ZNF407: variants seen among roughly 807,000 people sequenced by gnomAD.
The protein encoded by ZNF407 is zinc finger protein 407.
A neutral mutation model predicts 131.2 loss-of-function variants in ZNF407; 17 were observed. That is an observed-to-expected ratio of 0.13 (90% confidence interval 0.09 to 0.19). The LOEUF (loss-of-function observed/expected upper bound fraction) is 0.19. Among genes scored for constraint, ZNF407 ranks in the 10% least tolerant of loss-of-function variants. The pLI is 1.00. For synonymous variants in ZNF407, 1,156 were observed against 1,062.0 expected (o/e 1.09, Z -1.72); for missense variants, 2,681 against 2,830.6 (o/e 0.95, Z 1.20).
intron 8 of ZNF407, among the ~76,000 whole-genome samples, chr18:74,953,451 G>A (rs1434188649): frequency 2.6e-5 from 4 of 152,106 alleles, no homozygotes; most frequent in African/African-American, 9.7e-5. Flanking sequence ...TTGTATCATG[G>A]CCATCTTTTC....
At chr18:74,626,020 G>T (rs532039202) in intron 1 of ZNF407, among the ~76,000 whole-genome samples, 1 of 152,306 alleles carries the variant, frequency 6.6e-6, no homozygotes, top group East Asian at 1.9e-4. Context: ...GGAAATGTTG[G>T]TTAAACACAT....
At chr18:74,701,445 G>A (rs1321540841) in intron 3 of ZNF407, among the ~76,000 whole-genome samples, 1 of 152,074 alleles carries the variant, frequency 6.6e-6, no homozygotes, top group Non-Finnish European at 1.5e-5. Flanking sequence ...TATAAGTTTA[G>A]CTCTGGAGTT....
intron 3 of ZNF407, among the ~76,000 whole-genome samples, chr18:74,647,478 C>T (rs1215466369): frequency 6.6e-6 from 1 of 152,116 alleles, no homozygotes; most frequent in East Asian, 1.9e-4. Context: ...TCTCAGGATT[C>T]TGTAACCTTC....
chr18:75,024,517 G>A (rs1456302082), intron 8 of ZNF407, among the ~76,000 whole-genome samples: 2 of 152,176 alleles, frequency 1.3e-5, no homozygotes, highest in African/African-American at 4.8e-5. Context: ...ATTTTCAAAT[G>A]TGCTATCCTA....
At chr18:74,657,135 C>T (rs991165388) in intron 3 of ZNF407, among the ~76,000 whole-genome samples, 2 of 144,310 alleles carry the variant, frequency 1.4e-5, no homozygotes, top group African/African-American at 5.1e-5. Flanking sequence ...TGTTTGCTTA[C>T]GTATTATTTT....
At chr18:74,788,297 G>A (rs936356985) in intron 4 of ZNF407, among the ~76,000 whole-genome samples, 4 of 152,224 alleles carry the variant, frequency 2.6e-5, no homozygotes, top group Middle Eastern at 6.8e-3. Context: ...TTCTGGAAGT[G>A]CATATATCTT....
At chr18:74,959,137 G>A (rs1488391494) in intron 8 of ZNF407, among the ~76,000 whole-genome samples, 2 of 152,160 alleles carry the variant, frequency 1.3e-5, no homozygotes, top group African/African-American at 4.8e-5. Flanking sequence ...CTCAAAGAGA[G>A]TCTTAAGACA....
At chr18:74,803,445 T>C (rs1418595469) in intron 4 of ZNF407, among the ~76,000 whole-genome samples, 1 of 152,236 alleles carries the variant, frequency 6.6e-6, no homozygotes. Context: ...AATGGGCATC[T>C]AGAATGTGTC....
chr18:75,003,404 A>G (rs148393970), intron 8 of ZNF407, among the ~76,000 whole-genome samples: 2 of 152,296 alleles, frequency 1.3e-5, no homozygotes, highest in Non-Finnish European at 2.9e-5. Context: ...CATCCCTTGG[A>G]CAAGTTCTTG....
chr18:74,970,542 C>G (rs548611476), intron 8 of ZNF407, among the ~76,000 whole-genome samples: 4 of 152,192 alleles, frequency 2.6e-5, no homozygotes, highest in Non-Finnish European at 5.9e-5. Flanking sequence ...AATTCAAAAT[C>G]CAGTAGCCAA....
chr18:74,740,240 C>T (rs926329374), intron 3 of ZNF407, among the ~76,000 whole-genome samples: 3 of 152,200 alleles, frequency 2.0e-5, no homozygotes, highest in Non-Finnish European at 4.4e-5. Flanking sequence ...ATTCCCGCTT[C>T]TTTGCCATCT....
chr18:75,037,149 A>G (rs2122233780), intron 8 of ZNF407, among the ~76,000 whole-genome samples: 1 of 152,348 alleles, frequency 6.6e-6, no homozygotes, highest in African/African-American at 2.4e-5. Flanking sequence ...AAAGCCTCCC[A>G]CTATGGTACT....
intron 3 of ZNF407, among the ~76,000 whole-genome samples, chr18:74,712,462 T>C (rs1967788925): frequency 6.6e-6 from 1 of 152,198 alleles, no homozygotes; most frequent in Non-Finnish European, 1.5e-5. Context: ...TTGAGGAGCA[T>C]GTGCTTTGGT....
At chr18:74,676,448 T>TG (rs1418590819) in intron 3 of ZNF407, among the ~76,000 whole-genome samples, 1 of 150,136 alleles carries the variant, frequency 6.7e-6, no homozygotes, top group East Asian at 1.9e-4. Context: ...TTTTTTTTTT[T>TG]TTTTTTGAGA....
chr18:74,842,631 C>A (rs140288410), intron 4 of ZNF407, among the ~76,000 whole-genome samples: 39 of 150,922 alleles, frequency 2.6e-4, no homozygotes, highest in African/African-American at 9.0e-4. Context: ...TGTGAGATTC[C>A]TTTTCATTTT....
At chr18:74,608,196 G>C (rs986800236) in intron 1 of ZNF407, among the ~76,000 whole-genome samples, 2 of 152,144 alleles carry the variant, frequency 1.3e-5, no homozygotes, top group African/African-American at 2.4e-5. Flanking sequence ...ATTGAAACCA[G>C]GCAATTGGTA....
At position 74,669,587 on chromosome 18, in the gene ZNF407, G is replaced by A. The variant is rs76373044; in HGVS notation, c.4802+28465G>A. ...CCTGGTACTTAGTAACTACTTGGAA[G>A]TTAGTTATTGACCAGGGGTTGGACA... On this transcript the variant is annotated intron_variant, in intron 3 of 8. Transcript: ENST00000299687. Among the ~76,000 whole-genome samples, 728 of 152,324 alleles carry A rather than the reference G, an allele frequency of 4.8e-3. 8 individuals are homozygous for A. The highest frequency in any genetic ancestry group is 0.027 in the South Asian group (130 of 4,828).
At chr18:74,659,536 A>G (rs1002145171) in intron 3 of ZNF407, among the ~76,000 whole-genome samples, 1 of 152,156 alleles carries the variant, frequency 6.6e-6, no homozygotes. Flanking sequence ...TACCCTGACA[A>G]TGGTTACTGG....
chr18:74,824,033 G>A (rs1419577606), intron 4 of ZNF407, among the ~76,000 whole-genome samples: 2 of 152,080 alleles, frequency 1.3e-5, no homozygotes, highest in African/African-American at 2.4e-5. Context: ...CAGTGGAATC[G>A]AATTAGAACT....
Sources: gnomAD v4.1 joint callset for allele counts (sites outside exome capture counted in the v4.1 genomes callset) on GRCh38, gnomAD v4.1.1 for gene constraint, MANE v1.5 for transcripts, NCBI Gene and HGNC (gene_info 2026-07-23, HGNC 2026-07-21) for gene names.